L3MBTL1: variants seen among roughly 807,000 people sequenced by gnomAD.
L3MBTL1 encodes lethal(3)malignant brain tumor-like protein 1.
A neutral mutation model predicts 105.3 loss-of-function variants in L3MBTL1; 75 were observed. The observed-to-expected ratio is 0.71, with a 90% CI of 0.59 to 0.86. L3MBTL1 has a LOEUF of 0.86. Ranked by LOEUF, L3MBTL1 falls within the 40% of genes least tolerant of loss-of-function variation. L3MBTL1 has a pLI of 0.00. For synonymous variants in L3MBTL1, 452 were observed against 436.2 expected, an observed-to-expected ratio of 1.04 and a Z score of -0.45; for missense variants, 1,069 against 1,126.4, an observed-to-expected ratio of 0.95 and a Z score of 0.73.
chr20:43,533,928 T>C, intron 13 of L3MBTL1, 80 bp from the exon 14 acceptor site: 2 of 977,442 alleles, frequency 2.0e-6, no homozygotes, highest in South Asian at 1.3e-5. Context: ...GTCCCTTCCA[T>C]GTTCCTGGTC....
At chr20:43,534,446 T>A (rs751052710) in intron 15 of L3MBTL1, 52 bp downstream of exon 15, 1 of 1,424,838 alleles carries the variant, frequency 7.0e-7, no homozygotes, top group African/African-American at 1.4e-5. Flanking sequence ...TGGGCAGGAA[T>A]TCTGTAGACT....
At chr20:43,544,724 G>A (rs1310998538), downstream of L3MBTL1, among the ~76,000 whole-genome samples, 1 of 152,136 alleles carries the variant, frequency 6.6e-6, no homozygotes, top group East Asian at 1.9e-4. Context: ...CAGCAATTTG[G>A]GAGGCCAAGG....
chr20:43,517,111 T>TC (rs1190452040), intron 7 of L3MBTL1, among the ~76,000 whole-genome samples: 1 of 151,772 alleles, frequency 6.6e-6, no homozygotes, highest in African/African-American at 2.4e-5. Flanking sequence ...TTTTTTTTTT[T>TC]TCTTTGAGAC....
intron 3 of L3MBTL1, 128 bp downstream of exon 3, chr20:43,514,189 C>T (rs960933417): frequency 1.0e-5 from 9 of 887,764 alleles, no homozygotes; most frequent in Non-Finnish European, 1.5e-5. Context: ...TAGGGGTGGG[C>T]TTTGAGTGAG....
chr20:43,536,529 G>A (rs2019641449), intron 19 of L3MBTL1, 71 bp downstream of exon 19: 2 of 1,535,116 alleles, frequency 1.3e-6, no homozygotes, highest in Admixed American at 3.3e-5. Flanking sequence ...GTCATTGGTG[G>A]GATGAGACAG....
chr20:43,547,191 G>A (rs372709515), intron 18 of L3MBTL1, among the ~76,000 whole-genome samples: 2 of 143,392 alleles, frequency 1.4e-5, no homozygotes, highest in African/African-American at 2.6e-5. Context: ...TGCAAGCTCC[G>A]CCTCCCGGGT....
downstream of L3MBTL1, chr20:43,541,949 G>A (rs776566016): frequency 5.0e-5 from 49 of 979,270 alleles, no homozygotes; most frequent in South Asian, 5.2e-4. Flanking sequence ...AGTGGCTCAC[G>A]CCTGTAATCT....
intron 1 of L3MBTL1, among the ~76,000 whole-genome samples, chr20:43,509,279 T>C (rs1178208024): frequency 6.6e-6 from 1 of 151,850 alleles, no homozygotes; most frequent in Non-Finnish European, 1.5e-5. Flanking sequence ...GGCTCGAGTG[T>C]AGTGGTGTGA....
chr20:43,516,247 A>G (rs2018385978), intron 7 of L3MBTL1, 70 bp downstream of exon 7: 1 of 1,118,224 alleles, frequency 8.9e-7, no homozygotes, highest in African/African-American at 1.5e-5. Flanking sequence ...GAGGCTGAGA[A>G]TGTGGGTTAT....
intron 13 of L3MBTL1, 124 bp downstream of exon 13, chr20:43,533,542 T>C: frequency 1.3e-6 from 1 of 743,260 alleles, no homozygotes; most frequent in South Asian, 2.0e-5. Context: ...AACAGACATG[T>C]CCTGAAGCCT....
chr20:43,519,501 C>T (rs923694564), intron 7 of L3MBTL1, among the ~76,000 whole-genome samples: 5 of 151,700 alleles, frequency 3.3e-5, no homozygotes, highest in South Asian at 2.1e-4. Flanking sequence ...CCAGGCATGG[C>T]GTCGCATGCC....
Position 43,532,932 on chromosome 20 carries a change from G to A in L3MBTL1, c.1436+8G>A, listed in dbSNP as rs778312452. ...TGATACTTATGACTACTGGTAGTAGGAGGGCCCAGACTTGGCCTCAGGGGG... is the reference window on the plus strand; with the variant it reads ...TGATACTTATGACTACTGGTAGTAGAAGGGCCCAGACTTGGCCTCAGGGGG... On this transcript the variant is annotated splice_region_variant and intron_variant, in intron 12 of 21. Transcript: ENST00000418998. 2.5e-6 allele frequency: 4 copies of A among 1,614,154 alleles called. No homozygotes were observed. In the South Asian group the frequency reaches 4.4e-5, roughly 18 times the overall value.
exon 19 of L3MBTL1, chr20:43,550,124 C>G (rs369006698): frequency 6.6e-6 from 1 of 152,092 alleles, no homozygotes; most frequent in Admixed American, 6.5e-5. Flanking sequence ...TAAAGAAGAA[C>G]AAGTCTAAGC....
At chr20:43,526,332 T>C (rs2019031444) in intron 7 of L3MBTL1, among the ~76,000 whole-genome samples, 1 of 152,102 alleles carries the variant, frequency 6.6e-6, no homozygotes, top group African/African-American at 2.4e-5. Context: ...GTCTTATGCA[T>C]GATGATGTGG....
intron 11 of L3MBTL1, 60 bp downstream of exon 11, chr20:43,530,949 GC>G: frequency 7.1e-7 from 1 of 1,412,686 alleles, no homozygotes; most frequent in Non-Finnish European, 9.8e-7. Context: ...ACTGCAGCTG[GC>G]CCAGGGTATC....
intron 8 of L3MBTL1, 133 bp from the exon 9 acceptor site, chr20:43,529,130 AC>A (rs1264647337): frequency 3.0e-6 from 2 of 662,330 alleles, no homozygotes; most frequent in Non-Finnish European, 5.5e-6. Flanking sequence ...CCCTGTAGTA[AC>A]GATCCCCAAA....
At chr20:43,548,451 C>T in exon 19 of L3MBTL1, 1 of 319,062 alleles carries the variant, frequency 3.1e-6, no homozygotes, top group Admixed American at 4.3e-5. Context: ...GCTCATTCGT[C>T]ACCAGGCATG....
In L3MBTL1 at chr20:43,537,862, C is replaced by A. The variant is rs1381618064; in HGVS notation, c.2173+1404C>A. Among the ~76,000 whole-genome samples, 9 of 152,122 alleles carry A rather than the reference C, an allele frequency of 5.9e-5. No individual in the cohort carries two copies. In the East Asian group the frequency reaches 1.5e-3, roughly 26 times the overall value. ...GTAACATAGTGATAAAAAGCATAGC[C>A]CTGAAGTCAGACTACCTTTTACAGG... On this transcript the variant is annotated intron_variant, in intron 19 of 21. Transcript: ENST00000418998.
chr20:43,514,734 G>A lies in L3MBTL1; in HGVS notation c.460G>A (p.Gly154Arg), dbSNP rs1403290850. ...AGGCGTGACCGAATACGAAGATGGC[G>A]GGGCCCCGGCGGGAGATGGCGAGGC... is the stretch of plus-strand genomic sequence containing the variant. ...QEGVTEYEDGGAPAGDGEAGP... is the reference protein window; with the variant it reads ...QEGVTEYEDGRAPAGDGEAGP... Residue 154 changes from glycine to arginine, a missense_variant, in exon 4 of 22, where the codon GGG becomes AGG. Transcript: ENST00000418998. The A allele has an allele frequency of 1.7e-5, 27 of 1,572,792 alleles. No individual in the cohort carries two copies. The highest frequency in any genetic ancestry group is 2.2e-5 in the Non-Finnish European group (26 of 1,159,084).
Sources: gnomAD v4.1 joint callset for allele counts (sites outside exome capture counted in the v4.1 genomes callset) on GRCh38, gnomAD v4.1.1 for gene constraint, MANE v1.5 for transcripts, NCBI Gene and HGNC (gene_info 2026-07-23, HGNC 2026-07-21) for gene names.